PDE4B: variants seen among roughly 807,000 people sequenced by gnomAD.
The protein encoded by PDE4B is 3',5'-cyclic-AMP phosphodiesterase 4B.
PDE4B carries 20 observed loss-of-function variants against 82.2 expected under a neutral mutation model. That is an observed-to-expected ratio of 0.24 (90% CI 0.17 to 0.35). The LOEUF (loss-of-function observed/expected upper bound fraction) is 0.35, where lower values mean the gene tolerates loss of function less well. Ranked by LOEUF, PDE4B falls within the 10% of genes least tolerant of loss-of-function variation. The pLI, the probability that PDE4B is intolerant of heterozygous loss-of-function variation, is 1.00. For synonymous variants in PDE4B, 320 were observed against 318.9 expected, an observed-to-expected ratio of 1.00 and a Z score of -0.04; for missense variants, 655 against 907.2, an observed-to-expected ratio of 0.72 and a Z score of 3.57.
At chr1:65,958,875 C>T (rs1649404695) in intron 3 of PDE4B, among the ~76,000 whole-genome samples, 3 of 152,116 alleles carry the variant, frequency 2.0e-5, no homozygotes, top group Admixed American at 2.0e-4. Context: ...GTAGTTATGA[C>T]TTATATAGTT....
intron 7 of PDE4B, among the ~76,000 whole-genome samples, chr1:66,330,053 A>G (rs1004792589): frequency 6.6e-6 from 1 of 152,168 alleles, no homozygotes; most frequent in Non-Finnish European, 1.5e-5. Flanking sequence ...ATATCCCCCT[A>G]TTTAGTACAC....
intron 3 of PDE4B, among the ~76,000 whole-genome samples, chr1:66,199,845 T>C (rs1391794015): frequency 6.6e-6 from 1 of 152,214 alleles, no homozygotes; most frequent in Non-Finnish European, 1.5e-5. Context: ...AGCTCATTAG[T>C]TTAATTAGAT....
chr1:66,290,195 G>A (rs183722940), intron 7 of PDE4B, among the ~76,000 whole-genome samples: 18 of 152,256 alleles, frequency 1.2e-4, no homozygotes, highest in African/African-American at 3.4e-4. Flanking sequence ...AGATCTAGAA[G>A]GGGTGAAGGG....
chr1:65,903,406 T>G (rs887383215), intron 1 of PDE4B, among the ~76,000 whole-genome samples: 2 of 135,638 alleles, frequency 1.5e-5, no homozygotes, highest in African/African-American at 5.2e-5. Flanking sequence ...CTACAAAATA[T>G]GCACACACAC....
chr1:66,354,097 A>T (rs1037592540), intron 8 of PDE4B, among the ~76,000 whole-genome samples: 1 of 152,230 alleles, frequency 6.6e-6, no homozygotes, highest in Admixed American at 6.5e-5. Context: ...TGTGTGCGAC[A>T]AATAATCCTC....
At chr1:65,935,807 T>C (rs1648094494) in intron 3 of PDE4B, among the ~76,000 whole-genome samples, 1 of 151,938 alleles carries the variant, frequency 6.6e-6, no homozygotes, top group Admixed American at 6.6e-5. Flanking sequence ...CATGGTGGCA[T>C]ATGCCTGTAA....
At chr1:65,982,004 G>A in intron 3 of PDE4B, among the ~76,000 whole-genome samples, 1 of 152,162 alleles carries the variant, frequency 6.6e-6, no homozygotes, top group Admixed American at 6.6e-5. Context: ...AAGTACTAAG[G>A]TAGTGCTGTA....
rs577364409 is a variant in PDE4B, at chr1:66,041,936, G to A, written c.281+123101G>A. ...ATAAATGAATATATGAATTGCAAGT[G>A]CTTTGCATAATGGATATGTAATAAG... On this transcript the variant is annotated intron_variant, in intron 3 of 16. Coordinates refer to ENST00000341517, the MANE Select transcript of PDE4B (RefSeq NM_002600.4). Among the ~76,000 whole-genome samples, 226 of 151,770 alleles carry A rather than the reference G, an allele frequency of 1.5e-3. No homozygotes were observed. The Middle Eastern group carries it at 0.034, about 23-fold the overall frequency.
chr1:66,244,842 A>G (rs1300183358), intron 3 of PDE4B, among the ~76,000 whole-genome samples: 2 of 152,250 alleles, frequency 1.3e-5, no homozygotes, highest in Non-Finnish European at 2.9e-5. Flanking sequence ...TGGAGAGATC[A>G]TTGGAGTCAG....
chr1:66,136,954 G>T (rs1346302704), intron 3 of PDE4B, among the ~76,000 whole-genome samples: 1 of 152,116 alleles, frequency 6.6e-6, no homozygotes, highest in African/African-American at 2.4e-5. Flanking sequence ...ATATTATGAG[G>T]ACTAGGATAG....
At chr1:66,279,905 G>A (rs556027676) in intron 7 of PDE4B, among the ~76,000 whole-genome samples, 55 of 152,212 alleles carry the variant, frequency 3.6e-4, no homozygotes, top group Admixed American at 9.8e-4. Flanking sequence ...TCTATTGATT[G>A]TAGATGTTAA....
chr1:66,147,509 A>G (rs901022871), intron 3 of PDE4B, among the ~76,000 whole-genome samples: 1 of 152,216 alleles, frequency 6.6e-6, no homozygotes, highest in Non-Finnish European at 1.5e-5. Context: ...TTTCCTCTTA[A>G]TAAACACACA....
intron 3 of PDE4B, among the ~76,000 whole-genome samples, chr1:65,994,140 GT>G (rs1228126646): frequency 6.6e-6 from 1 of 152,094 alleles, no homozygotes; most frequent in Non-Finnish European, 1.5e-5. Flanking sequence ...TACATGCTGG[GT>G]TGCCAATCAA....
At chr1:66,088,324 A>C (rs1424743265) in intron 3 of PDE4B, among the ~76,000 whole-genome samples, 1 of 152,112 alleles carries the variant, frequency 6.6e-6, no homozygotes, top group Non-Finnish European at 1.5e-5. Context: ...ATGAGATCCA[A>C]GAACCTCTGA....
chr1:65,964,703 A>G (rs919283785), intron 3 of PDE4B, among the ~76,000 whole-genome samples: 2 of 152,194 alleles, frequency 1.3e-5, no homozygotes, highest in Non-Finnish European at 2.9e-5. Flanking sequence ...ACAGATAGTG[A>G]ACTGCTATCT....
intron 4 of PDE4B, among the ~76,000 whole-genome samples, chr1:66,257,193 A>C (rs1210059796): frequency 6.6e-6 from 1 of 152,232 alleles, no homozygotes; most frequent in Non-Finnish European, 1.5e-5. Context: ...AAATGGCATT[A>C]AAGCTGTGGT....
At chr1:66,104,312 C>T (rs1216873124) in intron 3 of PDE4B, among the ~76,000 whole-genome samples, 1 of 151,076 alleles carries the variant, frequency 6.6e-6, no homozygotes. Context: ...TGTATATGTG[C>T]CACATTTTCT....
At chr1:65,943,071 A>G (rs1257639926) in intron 3 of PDE4B, among the ~76,000 whole-genome samples, 1 of 151,874 alleles carries the variant, frequency 6.6e-6, no homozygotes, top group Non-Finnish European at 1.5e-5. Context: ...GTTTATACCT[A>G]AAAAAAGTAT....
chr1:65,847,868 C>T (rs1646284550), intron 1 of PDE4B, among the ~76,000 whole-genome samples: 1 of 152,092 alleles, frequency 6.6e-6, no homozygotes, highest in Admixed American at 6.6e-5. Flanking sequence ...TGACTTCATC[C>T]AAATTAAATG....
Sources: gnomAD v4.1 joint callset for allele counts (sites outside exome capture counted in the v4.1 genomes callset) on GRCh38, gnomAD v4.1.1 for gene constraint, MANE v1.5 for transcripts, NCBI Gene and HGNC (gene_info 2026-07-23, HGNC 2026-07-21) for gene names.